Variants in ERC1 observed in about 807,000 individuals in gnomAD.
The protein encoded by ERC1 is ELKS/RAB6-interacting/CAST family member 1.
Under a neutral mutation model 132.0 loss-of-function variants are expected in ERC1, and 56 were observed. The ratio of observed to expected loss-of-function variants is 0.42; its 90% CI spans 0.34 to 0.53. ERC1 has a LOEUF of 0.53. Ranked by LOEUF, ERC1 falls within the 20% of genes least tolerant of loss-of-function variation. The pLI is 0.03. For synonymous variants in ERC1, 478 were observed against 476.1 expected (o/e 1.00, Z -0.05); for missense variants, 1,202 against 1,349.9 (o/e 0.89, Z 1.72).
At chr12:1,394,046 C>CAAAAAAAAAAAAAAA (rs1555389413) in intron 16 of ERC1, among the ~76,000 whole-genome samples, 8 of 70,810 alleles carry the variant, frequency 1.1e-4, no homozygotes, top group African/African-American at 3.5e-4. Context: ...AAAAAAAAAC[C>CAAAAAAAAAAAAAAA]ACAAAGCATT....
intron 16 of ERC1, among the ~76,000 whole-genome samples, chr12:1,374,428 G>A (rs901982971): frequency 2.6e-5 from 4 of 151,776 alleles, no homozygotes; most frequent in Non-Finnish European, 4.4e-5. Flanking sequence ...ACTCATTCAT[G>A]GCAAAGCAGC....
intron 2 of ERC1, among the ~76,000 whole-genome samples, chr12:1,066,319 C>A (rs549273659): frequency 1.3e-5 from 2 of 152,228 alleles, no homozygotes; most frequent in South Asian, 4.1e-4. Flanking sequence ...AGCCTTATGT[C>A]AGCATTGCAA....
At chr12:1,301,932 A>G (rs1404182953) in intron 15 of ERC1, among the ~76,000 whole-genome samples, 2 of 152,212 alleles carry the variant, frequency 1.3e-5, no homozygotes, top group African/African-American at 4.8e-5. Flanking sequence ...TTTAAGCAAG[A>G]TGTAATACCA....
chr12:1,246,803 G>C (rs917562340), intron 13 of ERC1, among the ~76,000 whole-genome samples: 1 of 152,166 alleles, frequency 6.6e-6, no homozygotes, highest in African/African-American at 2.4e-5. Flanking sequence ...GAAAATGCCA[G>C]ACAAATGCAA....
intron 7 of ERC1, among the ~76,000 whole-genome samples, chr12:1,128,490 C>T (rs1948429962): frequency 6.6e-6 from 1 of 152,100 alleles, no homozygotes; most frequent in Non-Finnish European, 1.5e-5. Context: ...CCAACTCAGC[C>T]TCTCGTAGTG....
intron 13 of ERC1, among the ~76,000 whole-genome samples, chr12:1,254,833 G>A (rs2076688309): frequency 6.6e-6 from 1 of 152,066 alleles, no homozygotes; most frequent in Non-Finnish European, 1.5e-5. Context: ...CGTATGTATG[G>A]TGATGTTTGA....
intron 13 of ERC1, among the ~76,000 whole-genome samples, chr12:1,246,300 G>A (rs553904677): frequency 2.6e-5 from 4 of 151,954 alleles, no homozygotes; most frequent in African/African-American, 7.2e-5. Flanking sequence ...AAGGAGACTG[G>A]CAGTTTTAAA....
At position 1,141,510 on chromosome 12, in the gene ERC1, T is replaced by C. The variant is rs1259506167; in HGVS notation, c.1570-110T>C. Reference sequence around the variant, plus strand: ...ACATAGATGTAGATAATACTACTTTTATAGAATAACAAAACTCAACCTCTT... The same window carrying C: ...ACATAGATGTAGATAATACTACTTTCATAGAATAACAAAACTCAACCTCTT... On this transcript the variant is annotated intron_variant, in intron 7 of 18. Coordinates refer to ENST00000360905, the MANE Select transcript of ERC1 (RefSeq NM_178040.4). The C allele has an allele frequency of 2.4e-5, 20 of 820,680 alleles. No individual in the cohort carries two copies. The East Asian group carries it at 6.0e-4, about 25-fold the overall frequency. The allele number at this position is 820,680 out of a possible 1,614,324, so 50.8% of individuals were successfully genotyped here.
chr12:1,075,841 TGAGGAA>T (rs1361360021), intron 2 of ERC1, among the ~76,000 whole-genome samples: 3 of 152,054 alleles, frequency 2.0e-5, no homozygotes, highest in Non-Finnish European at 4.4e-5. Flanking sequence ...TTGAGTAGGC[TGAGGAA>T]GAGGAAGAAG....
intron 18 of ERC1, among the ~76,000 whole-genome samples, chr12:1,463,982 C>T (rs1481583156): frequency 6.6e-6 from 1 of 152,144 alleles, no homozygotes; most frequent in Non-Finnish European, 1.5e-5. Context: ...TAAGTTGGAC[C>T]TTACAATGCA....
chr12:1,308,884 A>G (rs1233180396), intron 15 of ERC1, among the ~76,000 whole-genome samples: 1 of 152,178 alleles, frequency 6.6e-6, no homozygotes, highest in Non-Finnish European at 1.5e-5. Flanking sequence ...CAAGGTGATC[A>G]TATTAGGAGG....
At chr12:1,296,870 G>T (rs2079994180) in intron 15 of ERC1, among the ~76,000 whole-genome samples, 1 of 152,144 alleles carries the variant, frequency 6.6e-6, no homozygotes, top group South Asian at 2.1e-4. Flanking sequence ...TAACATACAT[G>T]TGGAACACTA....
chr12:1,202,379 C>T (rs61914325), intron 12 of ERC1, among the ~76,000 whole-genome samples: 15,222 of 152,158 alleles, frequency 0.1, 1,079 homozygotes, highest in Non-Finnish European at 0.15. Flanking sequence ...ACAGTTTAGC[C>T]GGACGTGGTG....
chr12:1,028,617 A>T lies in ERC1; in HGVS notation c.669+45A>T, dbSNP rs768042325. ...ACCTTTATTGGCTGAATTCATGTAT[A>T]TAAATGAAATAGCCTTTTTTTCCCC... is the stretch of plus-strand genomic sequence containing the variant. On this transcript the variant is annotated intron_variant, in intron 2 of 18. Coordinates refer to ENST00000360905, the MANE Select transcript of ERC1 (RefSeq NM_178040.4). 3.5e-6 allele frequency: 5 copies of T among 1,439,668 alleles called. 1 individual carries two copies. The South Asian group carries it at 3.9e-5, about 11-fold the overall frequency. 89.2% of individuals were successfully genotyped at this position (1,439,668 alleles called of 1,614,324 possible). A position where few individuals can be genotyped will look rare whatever the true frequency, so the allele number is the denominator to read the frequency against.
At chr12:1,184,080 G>A (rs1954790524) in intron 11 of ERC1, among the ~76,000 whole-genome samples, 1 of 148,684 alleles carries the variant, frequency 6.7e-6, no homozygotes, top group South Asian at 2.1e-4. Flanking sequence ...AGGTTGCATT[G>A]AGCCAAGATC....
intron 8 of ERC1, among the ~76,000 whole-genome samples, chr12:1,163,529 AT>A (rs1442624814): frequency 2.0e-5 from 3 of 152,072 alleles, no homozygotes; most frequent in Non-Finnish European, 4.4e-5. Flanking sequence ...CAACCATTTT[AT>A]TTTGCTTATT....
rs566826438 is a variant in ERC1, at chr12:1,322,128, GATTATATACTT to G, written c.2780+32129_2780+32139del. On this transcript the variant is annotated intron_variant, in intron 15 of 18. Transcript: ENST00000360905. ...AATAAGTGTCCTCGTGCTCACGCAGGATTATATACTTATTATATACTTAGGCAAATTTGTCT... is the reference window on the plus strand; with the variant it reads ...AATAAGTGTCCTCGTGCTCACGCAGGATTATATACTTAGGCAAATTTGTCT... 4.8e-3 allele frequency among the ~76,000 whole-genome samples: 684 copies of G among 142,434 alleles called. 23 individuals are homozygous for G. Among genetic ancestry groups the G allele is most frequent in the African/African-American group, 0.017 (663 of 37,912 alleles). The allele number at this position is 142,434 out of a possible 152,430, so 93.4% of individuals were successfully genotyped here.
intron 16 of ERC1, among the ~76,000 whole-genome samples, chr12:1,374,131 C>G (rs2053377386): frequency 6.6e-6 from 1 of 152,150 alleles, no homozygotes. Flanking sequence ...GATATGGCAT[C>G]AATGTTGTTT....
chr12:1,016,674 T>A (rs1230039446), intron 1 of ERC1, among the ~76,000 whole-genome samples: 1 of 151,214 alleles, frequency 6.6e-6, no homozygotes, highest in African/African-American at 2.4e-5. Context: ...ATACACTGTT[T>A]CACTCTGTCA....
Sources: gnomAD v4.1 joint callset for allele counts (sites outside exome capture counted in the v4.1 genomes callset) on GRCh38, gnomAD v4.1.1 for gene constraint, MANE v1.5 for transcripts, NCBI Gene and HGNC (gene_info 2026-07-23, HGNC 2026-07-21) for gene names.